ZKSCAN2: variants seen among roughly 807,000 people sequenced by gnomAD.
ZKSCAN2 encodes the protein zinc finger protein with KRAB and SCAN domains 2.
ZKSCAN2 carries 38 observed loss-of-function variants against 90.5 expected under a neutral mutation model. The ratio of observed to expected loss-of-function variants is 0.42; its 90% CI spans 0.32 to 0.55. The LOEUF (loss-of-function observed/expected upper bound fraction) is 0.55, where lower values mean the gene tolerates loss of function less well. Among genes scored for constraint, ZKSCAN2 ranks in the 20% least tolerant of loss-of-function variants. The pLI is 0.11. For synonymous variants in ZKSCAN2, 429 were observed against 421.6 expected, an observed-to-expected ratio of 1.02 and a Z score of -0.22; for missense variants, 1,167 against 1,202.6, an observed-to-expected ratio of 0.97 and a Z score of 0.44.
At chr16:25,240,770 A>G (rs1356531743) in intron 6 of ZKSCAN2, 32 bp from the exon 7 acceptor site, 5 of 1,587,702 alleles carry the variant, frequency 3.1e-6, no homozygotes, top group Non-Finnish European at 4.3e-6. Context: ...CAAATTTTAT[A>G]CAAGTCTGAT....
At position 25,257,419 on chromosome 16, in the gene ZKSCAN2, G is replaced by A. The variant is rs1892741161; in HGVS notation, c.-292C>T. 1.2e-5 allele frequency: 13 copies of A among 1,120,564 alleles called. No homozygotes were observed. In the South Asian group the frequency reaches 4.7e-4, roughly 40 times the overall value. The allele number at this position is 1,120,564 out of a possible 1,614,324, so 69.4% of individuals were successfully genotyped here. A position where few individuals can be genotyped will look rare whatever the true frequency, so the allele number is the denominator to read the frequency against. On this transcript the variant is annotated 5_prime_UTR_variant, in exon 1 of 7. Transcript: ENST00000328086. ...CTTAGTGCAAAGTCGGAAACCGGGA[G>A]GCTGGACGACTGGGAGAAAAATGAA...
intron 6 of ZKSCAN2, 26 bp downstream of exon 6, chr16:25,243,759 T>TAAAACTCCTTGTTTTTGCACC: frequency 6.4e-7 from 1 of 1,558,624 alleles, no homozygotes; most frequent in Non-Finnish European, 8.6e-7. Flanking sequence ...TCTTTTGGAC[T>TAAAACTCCTTGTTTTTGCACC]AAAACTCCTT....
In ZKSCAN2 at chr16:25,257,061, C is replaced by T. The variant is rs770576000; in HGVS notation, c.67G>A (p.Val23Met). ...GATGCCCACTCAGGGTCCTTTTCCA[C>T]CTTCATTATTAGGCATCCCTCAACC... Reference protein sequence around the residue: ...LEVEGCLIMKVEKDPEWASEP... With the variant: ...LEVEGCLIMKMEKDPEWASEP... The change falls in exon 1 of 7, where the codon GTG becomes ATG. Residue 23 changes from valine (V) to methionine (M), a missense_variant. By Grantham distance (21) the Val-to-Met change is conservative. Coordinates refer to ENST00000328086, the MANE Select transcript of ZKSCAN2 (RefSeq NM_001012981.5). The T allele has an allele frequency of 6.2e-7, 1 of 1,613,928 alleles. No individual in the cohort carries two copies. The highest frequency in any genetic ancestry group is 1.7e-5 in the Admixed American group (1 of 59,974).
At chr16:25,247,508 T>C in intron 4 of ZKSCAN2, 118 bp from the exon 5 acceptor site, 1 of 726,790 alleles carries the variant, frequency 1.4e-6, no homozygotes, top group South Asian at 1.9e-5. Flanking sequence ...TCCTCAGCTG[T>C]GACACTGCAC....
Position 25,237,263 on chromosome 16 carries a change from CA to C in ZKSCAN2, c.*2552del, listed in dbSNP as rs773223566. The C allele has an allele frequency of 1.3e-5, 2 of 152,154 alleles. No individual in the cohort carries two copies. Among genetic ancestry groups the C allele is most frequent in the Non-Finnish European group, 2.9e-5 (2 of 68,030 alleles). The allele number at this position is 152,154 out of a possible 1,614,324, so 9.4% of individuals were successfully genotyped here. On this transcript the variant is annotated 3_prime_UTR_variant, in exon 7 of 7. Transcript: ENST00000328086. ...TGAAAACAAATAAAATGCAGGGAGA[CA>C]GGTAGTGTTGGTCTAAAATGGGGGG...
rs1374089599 is a variant in ZKSCAN2, at chr16:25,257,476, C to G, written c.-349G>C. 9.8e-7 allele frequency: 1 copy of G among 1,017,658 alleles called. No individual in the cohort carries two copies. Among genetic ancestry groups the G allele is most frequent in the South Asian group, 4.5e-5 (1 of 22,006 alleles). 63.0% of individuals were successfully genotyped at this position (1,017,658 alleles called of 1,614,324 possible). A position where few individuals can be genotyped will look rare whatever the true frequency, so the allele number is the denominator to read the frequency against. On this transcript the variant is annotated 5_prime_UTR_variant, in exon 1 of 7. Transcript: ENST00000328086. ...TGAGGAAAGGCTGGGCGGAGGCGGACAGCCGGGCCGGGAGGGGGTGTGTCC... is the reference window on the plus strand; with the variant it reads ...TGAGGAAAGGCTGGGCGGAGGCGGAGAGCCGGGCCGGGAGGGGGTGTGTCC...
intron 4 of ZKSCAN2, among the ~76,000 whole-genome samples, chr16:25,248,282 C>CAAAAA (rs55673563): frequency 6.0e-4 from 14 of 23,204 alleles, no homozygotes; most frequent in East Asian, 1.7e-3. Context: ...TTCTATACAG[C>CAAAAA]AAAAAAAAAA....
chr16:25,245,007 A>G (rs142555461), intron 5 of ZKSCAN2, among the ~76,000 whole-genome samples: 238 of 152,300 alleles, frequency 1.6e-3, no homozygotes, highest in African/African-American at 5.1e-3. Flanking sequence ...CTGGATTCCC[A>G]TATTTGAGAC....
In ZKSCAN2 at chr16:25,247,265, C is replaced by T. The variant is rs757336756; in HGVS notation, c.931G>A (p.Val311Ile). The change falls in exon 5 of 7, where the codon GTT (valine) becomes ATT (isoleucine). Residue 311 changes from valine to isoleucine, a missense_variant. Coordinates refer to ENST00000328086, the MANE Select transcript of ZKSCAN2 (RefSeq NM_001012981.5). Reference sequence around the variant, plus strand: ...CTTGCAGGGACCTGAATAGCATGAACTGACTTTTCCTTGACGTAGTTGCTT... The same window carrying T: ...CTTGCAGGGACCTGAATAGCATGAATTGACTTTTCCTTGACGTAGTTGCTT... ...LRSNYVKEKS[V>I]HAIQVPARSA... The T allele has an allele frequency of 6.2e-7, 1 of 1,614,216 alleles. No individual in the cohort carries two copies. The highest frequency in any genetic ancestry group is 1.3e-5 in the African/African-American group (1 of 75,050).
rs779719755 is a variant in ZKSCAN2 at position 25,247,050 on chromosome 16, T to G, written c.1146A>C (p.Arg382=). 2.5e-6 allele frequency: 4 copies of G among 1,614,192 alleles called. No homozygotes were observed. The South Asian group carries it at 4.4e-5, about 18-fold the overall frequency. Residue 382 remains arginine (R), a synonymous_variant, in exon 5 of 7, where the codon CGA becomes CGC. Coordinates refer to ENST00000328086, the MANE Select transcript of ZKSCAN2 (RefSeq NM_001012981.5). ...QVYGAVAEWL[R]ECGFLRTPEQ... The stretch of plus-strand genomic sequence containing the variant: ...CTGGGGTTCTAAGGAAGCCACATTC[T>G]CGCAACCATTCAGCCACAGCACCAT...
At position 25,255,234 on chromosome 16, in the gene ZKSCAN2, C is replaced by G. The variant is rs201521475; in HGVS notation, c.558G>C (p.Lys186Asn). The G allele has an allele frequency of 1.4e-5, 23 of 1,608,848 alleles. No individual in the cohort carries two copies. The highest frequency in any genetic ancestry group is 2.0e-5 in the Non-Finnish European group (23 of 1,178,630). The change falls in exon 2 of 7, where the codon AAG (lysine) becomes AAC (asparagine). Residue 186 changes from lysine to asparagine, a missense_variant. Lys to Asn is a moderately conservative substitution (Grantham distance 94, BLOSUM62 0). Coordinates refer to ENST00000328086, the MANE Select transcript of ZKSCAN2 (RefSeq NM_001012981.5). ...HSGHQEQLNRKRERRPLPKNA... is the reference protein window; with the variant it reads ...HSGHQEQLNRNRERRPLPKNA... The stretch of plus-strand genomic sequence containing the variant: ...TCTTGGGTAAGGGCCGACGTTCTCG[C>G]TTTCGGTTCAGCTGTTCCTGGTGTC...
intron 6 of ZKSCAN2, among the ~76,000 whole-genome samples, chr16:25,242,071 C>T: frequency 6.6e-6 from 1 of 152,088 alleles, no homozygotes; most frequent in Non-Finnish European, 1.5e-5. Flanking sequence ...GTGTATGTTG[C>T]CCAGGCTAGT....
intron 4 of ZKSCAN2, among the ~76,000 whole-genome samples, chr16:25,248,479 A>T (rs143425004): frequency 1.7e-3 from 256 of 152,252 alleles, no homozygotes; most frequent in African/African-American, 5.8e-3. Flanking sequence ...AATCTCATTA[A>T]AAAATAAGCC....
chr16:25,240,158 G>A lies in ZKSCAN2; in HGVS notation c.2562C>T (p.Thr854=), dbSNP rs74826042. 3,290 of 1,613,902 alleles carry A rather than the reference G, an allele frequency of 2.0e-3. 62 individuals carry two copies. In the African/African-American group the frequency reaches 0.038, roughly 19 times the overall value. The change falls in exon 7 of 7, where the codon ACC becomes ACT. Residue 854 remains threonine, a synonymous_variant. Coordinates refer to ENST00000328086, the MANE Select transcript of ZKSCAN2 (RefSeq NM_001012981.5). ...SSLIIHQRTH[T]GEKPYQCGEC... is the part of the protein sequence containing the mutation. ...CTCCACACTGATAGGGCTTCTCACC[G>A]GTGTGCGTTCTCTGATGTATAATAA...
rs986621468 is a variant in ZKSCAN2, at chr16:25,237,466, T to C, written c.*2350A>G. The C allele has an allele frequency of 2.6e-5, 4 of 152,222 alleles. No individual in the cohort carries two copies. The highest frequency in any genetic ancestry group is 4.8e-5 in the African/African-American group (2 of 41,454). The allele number at this position is 152,222 out of a possible 1,614,324, so 9.4% of individuals were successfully genotyped here. A position where few individuals can be genotyped will look rare whatever the true frequency, so the allele number is the denominator to read the frequency against. On this transcript the variant is annotated 3_prime_UTR_variant, in exon 7 of 7. Coordinates refer to ENST00000328086, the MANE Select transcript of ZKSCAN2 (RefSeq NM_001012981.5). Reference sequence around the variant, plus strand: ...CCACTAGAGAGGGAATGGGTCTTGCTTGACCCTTTCCTGCCACTGGGGAAG... The same window carrying C: ...CCACTAGAGAGGGAATGGGTCTTGCCTGACCCTTTCCTGCCACTGGGGAAG...
intron 6 of ZKSCAN2, among the ~76,000 whole-genome samples, chr16:25,243,151 A>G (rs1962879844): frequency 6.6e-6 from 1 of 152,212 alleles, no homozygotes; most frequent in Non-Finnish European, 1.5e-5. Flanking sequence ...GTGCTTACTG[A>G]AACACTTTCT....
At position 25,257,224 on chromosome 16, in the gene ZKSCAN2, G is replaced by C; in HGVS notation, c.-97C>G. 1 of 1,500,104 alleles carries C rather than the reference G, an allele frequency of 6.7e-7. No homozygotes were observed. The highest frequency in any genetic ancestry group is 1.4e-5 in the South Asian group (1 of 73,858). The allele number at this position is 1,500,104 out of a possible 1,614,324, so 92.9% of individuals were successfully genotyped here. A position where few individuals can be genotyped will look rare whatever the true frequency, so the allele number is the denominator to read the frequency against. ...CTTAATGTTCCTGGGAGTGTGATAA[G>C]GTACGGAGGTAAAAACGGCCAGGTC... is the stretch of plus-strand genomic sequence containing the variant. On this transcript the variant is annotated 5_prime_UTR_variant, in exon 1 of 7. Coordinates refer to ENST00000328086, the MANE Select transcript of ZKSCAN2 (RefSeq NM_001012981.5).
At chr16:25,252,298 T>A (rs1295075964) in intron 3 of ZKSCAN2, among the ~76,000 whole-genome samples, 2 of 152,126 alleles carry the variant, frequency 1.3e-5, no homozygotes, top group East Asian at 3.8e-4. Flanking sequence ...TATACACTTG[T>A]GAGGACTATA....
At chr16:25,256,598 C>G in intron 1 of ZKSCAN2, 131 bp downstream of exon 1, 2 of 970,266 alleles carry the variant, frequency 2.1e-6, no homozygotes, top group Non-Finnish European at 3.0e-6. Flanking sequence ...GAAAAGACCC[C>G]CTTATAGGGT....
Sources: gnomAD v4.1 joint callset for allele counts (sites outside exome capture counted in the v4.1 genomes callset) on GRCh38, gnomAD v4.1.1 for gene constraint, MANE v1.5 for transcripts, NCBI Gene and HGNC (gene_info 2026-07-23, HGNC 2026-07-21) for gene names.